ADK: variants seen among roughly 807,000 people sequenced by gnomAD.
ADK encodes the protein adenosine kinase, also known as N6,N6-dimethyladenosine kinase.
ADK carries 24 observed loss-of-function variants against 44.7 expected under a neutral mutation model. That is an observed-to-expected ratio of 0.54 (90% confidence interval 0.39 to 0.76). The LOEUF (loss-of-function observed/expected upper bound fraction) is 0.76. Among genes scored for constraint, ADK ranks in the 30% least tolerant of loss-of-function variants. The pLI, the probability that ADK is intolerant of heterozygous loss-of-function variation, is 0.00. For synonymous variants in ADK, 128 were observed against 142.6 expected, an observed-to-expected ratio of 0.90 and a Z score of 0.73; for missense variants, 321 against 425.1, an observed-to-expected ratio of 0.76 and a Z score of 2.15.
intron 6 of ADK, among the ~76,000 whole-genome samples, chr10:74,399,567 T>A (rs961247430): frequency 2.0e-5 from 3 of 151,970 alleles, no homozygotes; most frequent in African/African-American, 7.2e-5. Flanking sequence ...TATGCTATCT[T>A]TTCTGCCAGT....
chr10:74,298,480 C>T (rs911216049), intron 3 of ADK, among the ~76,000 whole-genome samples: 21 of 152,106 alleles, frequency 1.4e-4, no homozygotes, highest in African/African-American at 5.1e-4. Context: ...AGGCTCGTTG[C>T]AGTGGCTCAC....
intron 6 of ADK, among the ~76,000 whole-genome samples, chr10:74,521,214 ATTTAC>A (rs1397934185): frequency 1.3e-5 from 2 of 152,166 alleles, no homozygotes; most frequent in African/African-American, 4.8e-5. Context: ...AATACTAAAT[ATTTAC>A]TTAAAGAAAA....
intron 4 of ADK, among the ~76,000 whole-genome samples, chr10:74,326,947 A>G (rs1227685012): frequency 6.6e-6 from 1 of 151,892 alleles, no homozygotes; most frequent in Non-Finnish European, 1.5e-5. Flanking sequence ...TAGTCTAGCT[A>G]AAGGTTTGTT....
intron 4 of ADK, among the ~76,000 whole-genome samples, chr10:74,379,480 T>C (rs888947717): frequency 1.3e-5 from 2 of 152,218 alleles, no homozygotes; most frequent in Admixed American, 6.5e-5. Context: ...TGACATACTA[T>C]TACACTGAAT....
chr10:74,351,122 C>CA (rs1320801555), intron 4 of ADK, among the ~76,000 whole-genome samples: 1 of 152,098 alleles, frequency 6.6e-6, no homozygotes, highest in Non-Finnish European at 1.5e-5. Context: ...AGAGACACAA[C>CA]AAAAAAAGAA....
chr10:74,549,371 A>G (rs553016521), intron 7 of ADK, among the ~76,000 whole-genome samples: 1 of 152,272 alleles, frequency 6.6e-6, no homozygotes, highest in Admixed American at 6.5e-5. Context: ...TATTACACTT[A>G]TACATCTTTT....
At chr10:74,695,623 T>G (rs1417370715) in intron 10 of ADK, among the ~76,000 whole-genome samples, 2,367 of 48,060 alleles carry the variant, frequency 0.049, 39 homozygotes, top group Non-Finnish European at 0.11. Flanking sequence ...GTGTGGGGTG[T>G]GTGTGTGTGT....
chr10:74,441,637 G>A (rs1276070724), intron 6 of ADK, among the ~76,000 whole-genome samples: 4 of 152,090 alleles, frequency 2.6e-5, no homozygotes, highest in East Asian at 1.9e-4. Context: ...GAAAAGCTCC[G>A]TGACACTGGT....
At chr10:74,564,789 G>T (rs1272358736) in intron 7 of ADK, among the ~76,000 whole-genome samples, 1 of 151,754 alleles carries the variant, frequency 6.6e-6, no homozygotes, top group East Asian at 1.9e-4. Context: ...TCATTTTGGG[G>T]GTGCTTTCCT....
intron 6 of ADK, among the ~76,000 whole-genome samples, chr10:74,472,414 C>CAGAAA (rs1230563493): frequency 1.3e-5 from 2 of 152,018 alleles, no homozygotes; most frequent in Non-Finnish European, 2.9e-5. Context: ...ATAGAGATGT[C>CAGAAA]ATCTAGTTGT....
intron 4 of ADK, among the ~76,000 whole-genome samples, chr10:74,330,775 AC>A (rs1279258647): frequency 6.6e-6 from 1 of 152,066 alleles, no homozygotes; most frequent in Non-Finnish European, 1.5e-5. Flanking sequence ...CAGTCAAATC[AC>A]CAGATTACTG....
intron 9 of ADK, among the ~76,000 whole-genome samples, chr10:74,627,789 C>G (rs1209886507): frequency 6.6e-6 from 1 of 152,112 alleles, no homozygotes; most frequent in Non-Finnish European, 1.5e-5. Context: ...TACATCACCT[C>G]ACCTGGCTAA....
At chr10:74,227,799 C>T (rs528352722) in intron 3 of ADK, among the ~76,000 whole-genome samples, 2 of 151,894 alleles carry the variant, frequency 1.3e-5, no homozygotes, top group Admixed American at 6.6e-5. Context: ...GCCAAGATCA[C>T]GCTACTGCAC....
intron 6 of ADK, among the ~76,000 whole-genome samples, chr10:74,459,056 A>C (rs1180613160): frequency 6.6e-6 from 1 of 152,106 alleles, no homozygotes; most frequent in East Asian, 1.9e-4. Flanking sequence ...AGGCGGGTGG[A>C]TCACCTGATG....
intron 1 of ADK, among the ~76,000 whole-genome samples, chr10:74,157,762 C>T (rs1395651414): frequency 6.6e-6 from 1 of 151,380 alleles, no homozygotes; most frequent in Non-Finnish European, 1.5e-5. Context: ...TGTGGTGGTC[C>T]ATGCCTATAA....
At chr10:74,662,809 AC>A (rs1402498655) in intron 9 of ADK, among the ~76,000 whole-genome samples, 3 of 152,032 alleles carry the variant, frequency 2.0e-5, no homozygotes, top group Non-Finnish European at 4.4e-5. Context: ...GTTCCTTCTT[AC>A]CCTTGAAATC....
intron 3 of ADK, among the ~76,000 whole-genome samples, chr10:74,258,280 C>G (rs910651639): frequency 1.3e-5 from 2 of 152,062 alleles, no homozygotes; most frequent in East Asian, 1.9e-4. Context: ...CTTGGAAAAT[C>G]TAGCCTAAAA....
Position 74,664,371 on chromosome 10 carries a change from A to G in ADK, c.878-5812A>G, listed in dbSNP as rs369053775. On this transcript the variant is annotated intron_variant, in intron 9 of 10. Coordinates refer to ENST00000539909, the MANE Select transcript of ADK (RefSeq NM_006721.4). ...ATGCATAGAAAAATTCTAGAAGGAT[A>G]TATAAGAAAGCAATAACAGTGATAA... 2.6e-4 allele frequency among the ~76,000 whole-genome samples: 40 copies of G among 152,318 alleles called. 2 individuals are homozygous for G. The highest frequency in any genetic ancestry group is 9.4e-4 in the African/African-American group (39 of 41,584).
At chr10:74,160,409 T>C (rs751282595) in intron 1 of ADK, among the ~76,000 whole-genome samples, 15 of 152,244 alleles carry the variant, frequency 9.9e-5, no homozygotes, top group Admixed American at 3.9e-4. Flanking sequence ...ATACTGCCTA[T>C]GGGGTAGCCC....
Sources: gnomAD v4.1 joint callset for allele counts (sites outside exome capture counted in the v4.1 genomes callset) on GRCh38, gnomAD v4.1.1 for gene constraint, MANE v1.5 for transcripts, NCBI Gene and HGNC (gene_info 2026-07-23, HGNC 2026-07-21) for gene names.